USH2A: variants seen among roughly 807,000 people sequenced by gnomAD.
USH2A encodes the protein Usher syndrome 2A (autosomal recessive, mild).
A neutral mutation model predicts 538.9 loss-of-function variants in USH2A; 443 were observed. The observed-to-expected ratio is 0.82, with a 90% CI of 0.76 to 0.89. The LOEUF is 0.89. Ranked by LOEUF, USH2A falls within the 40% of genes least tolerant of loss-of-function variation. The pLI, the probability that USH2A is intolerant of heterozygous loss-of-function variation, is 0.00. For missense variants in USH2A, 6,633 were observed against 6,324.8 expected, an observed-to-expected ratio of 1.05 and a Z score of -1.65; for synonymous variants, 2,413 against 2,273.5, an observed-to-expected ratio of 1.06 and a Z score of -1.75.
chr1:216,102,920 T>C (rs553957315), intron 21 of USH2A, among the ~76,000 whole-genome samples: 1 of 152,188 alleles, frequency 6.6e-6, no homozygotes, highest in Non-Finnish European at 1.5e-5. Context: ...GATATACAAG[T>C]ATGTTTACAG....
At chr1:216,137,056 A>G (rs950284277) in intron 21 of USH2A, among the ~76,000 whole-genome samples, 8 of 152,200 alleles carry the variant, frequency 5.3e-5, no homozygotes, top group African/African-American at 1.9e-4. Flanking sequence ...GAATAACCCC[A>G]TTGGAAAGAG....
chr1:216,083,848 A>C, intron 25 of USH2A, among the ~76,000 whole-genome samples: 1 of 152,168 alleles, frequency 6.6e-6, no homozygotes, highest in East Asian at 1.9e-4. Flanking sequence ...TGTATCATGT[A>C]AGATTATTAC....
chr1:216,223,384 T>C (rs910804986), intron 14 of USH2A, among the ~76,000 whole-genome samples: 4 of 152,124 alleles, frequency 2.6e-5, no homozygotes, highest in African/African-American at 9.7e-5. Flanking sequence ...CCATAGGAGA[T>C]TGCAAAAATC....
intron 37 of USH2A, among the ~76,000 whole-genome samples, chr1:215,952,534 T>C (rs1038789729): frequency 1.3e-5 from 2 of 152,210 alleles, no homozygotes; most frequent in Admixed American, 1.3e-4. Context: ...TTCCTTTCCA[T>C]GTTGAATGCT....
At chr1:215,758,472 A>G in intron 58 of USH2A, 123 bp downstream of exon 58, 1 of 1,236,332 alleles carries the variant, frequency 8.1e-7, no homozygotes, top group Non-Finnish European at 1.1e-6. Flanking sequence ...TTTTCTGTTC[A>G]TATTTATCCA....
chr1:215,704,637 A>G (rs2102692774), intron 61 of USH2A, among the ~76,000 whole-genome samples: 1 of 152,226 alleles, frequency 6.6e-6, no homozygotes, highest in African/African-American at 2.4e-5. Context: ...TGCCTCTTTC[A>G]TTCACACCCT....
In USH2A at chr1:215,887,761, G is replaced by C. The variant is rs538223058; in HGVS notation, c.8223+665C>G. Among the ~76,000 whole-genome samples, 8 of 152,300 alleles carry C rather than the reference G, an allele frequency of 5.3e-5. No homozygotes were observed. In the South Asian group the frequency reaches 1.7e-3, roughly 32 times the overall value. The stretch of plus-strand genomic sequence containing the variant: ...TGTCCTTTGTTTTGTGCTCCGGTGA[G>C]CAAGCTACTGTACCAATGCTTTTGG... On this transcript the variant is annotated intron_variant, in intron 41 of 71. Transcript: ENST00000307340.
At chr1:215,727,381 C>T (rs976350906) in intron 61 of USH2A, among the ~76,000 whole-genome samples, 1 of 152,008 alleles carries the variant, frequency 6.6e-6, no homozygotes, top group Non-Finnish European at 1.5e-5. Context: ...TGGAGGAAAG[C>T]ATTACATTAT....
intron 40 of USH2A, among the ~76,000 whole-genome samples, chr1:215,893,995 A>G (rs1328382885): frequency 2.6e-5 from 4 of 152,196 alleles, no homozygotes. Context: ...TAGTGAAAAC[A>G]TGCAGAACCA....
At chr1:216,145,323 G>A (rs1177092444) in intron 21 of USH2A, among the ~76,000 whole-genome samples, 1 of 152,172 alleles carries the variant, frequency 6.6e-6, no homozygotes, top group Non-Finnish European at 1.5e-5. Context: ...TACAAAGGAG[G>A]TAGCCATGTG....
chr1:216,255,990 G>A (rs1476659344), intron 11 of USH2A, among the ~76,000 whole-genome samples: 7 of 151,866 alleles, frequency 4.6e-5, no homozygotes, highest in African/African-American at 1.7e-4. Context: ...TCTTCATCCT[G>A]GGCAATATTT....
intron 38 of USH2A, among the ~76,000 whole-genome samples, chr1:215,902,122 G>T (rs1665517620): frequency 6.6e-6 from 1 of 152,094 alleles, no homozygotes; most frequent in Non-Finnish European, 1.5e-5. Flanking sequence ...TCTGATTATT[G>T]TAATATAGGT....
At chr1:216,001,926 T>C (rs905964145) in intron 32 of USH2A, among the ~76,000 whole-genome samples, 1 of 152,202 alleles carries the variant, frequency 6.6e-6, no homozygotes, top group Admixed American at 6.5e-5. Flanking sequence ...TGATTAAACC[T>C]TGTTTTCTTT....
intron 24 of USH2A, chr1:216,085,082 A>G: frequency 1.8e-6 from 1 of 568,984 alleles, no homozygotes; most frequent in Non-Finnish European, 3.1e-6. Context: ...GTTCAAACCC[A>G]TCATATCTGC....
At chr1:215,640,103 C>A (rs1028422190) in intron 68 of USH2A, among the ~76,000 whole-genome samples, 5 of 152,156 alleles carry the variant, frequency 3.3e-5, no homozygotes, top group African/African-American at 1.2e-4. Context: ...GGGCTGATAT[C>A]AAGGAAGGTT....
intron 30 of USH2A, among the ~76,000 whole-genome samples, chr1:216,051,797 T>C (rs2030792910): frequency 6.6e-6 from 1 of 152,226 alleles, no homozygotes; most frequent in African/African-American, 2.4e-5. Flanking sequence ...ATTCAGGAAG[T>C]ATTATCATTG....
intron 21 of USH2A, among the ~76,000 whole-genome samples, chr1:216,111,454 A>C (rs2032867435): frequency 6.6e-6 from 1 of 152,114 alleles, no homozygotes; most frequent in African/African-American, 2.4e-5. Context: ...CATTCTTCAA[A>C]TCCTGCTAGG....
intron 9 of USH2A, among the ~76,000 whole-genome samples, chr1:216,316,320 G>A (rs1291152971): frequency 6.6e-6 from 1 of 152,110 alleles, no homozygotes. Context: ...AAAAGAAATA[G>A]GAGTTAACAA....
At chr1:215,842,769 A>G (rs540127267) in intron 46 of USH2A, among the ~76,000 whole-genome samples, 2 of 140,348 alleles carry the variant, frequency 1.4e-5, no homozygotes, top group Non-Finnish European at 3.1e-5. Context: ...GTGAGAACAC[A>G]TGGACACAGC....
Sources: gnomAD v4.1 joint callset for allele counts (sites outside exome capture counted in the v4.1 genomes callset) on GRCh38, gnomAD v4.1.1 for gene constraint, MANE v1.5 for transcripts, NCBI Gene and HGNC (gene_info 2026-07-23, HGNC 2026-07-21) for gene names.